Variants in RAB30 observed in about 807,000 individuals in gnomAD.
The protein encoded by RAB30 is RAB30, member RAS oncogene family, also known as ras-related protein Rab-30.
RAB30 carries 9 observed loss-of-function variants against 25.1 expected under a neutral mutation model. That is an observed-to-expected ratio of 0.36 (90% confidence interval 0.22 to 0.63). The LOEUF (loss-of-function observed/expected upper bound fraction) is 0.63. Among genes scored for constraint, RAB30 ranks in the 20% least tolerant of loss-of-function variants. The pLI is 0.69. For missense variants in RAB30, 140 were observed against 243.5 expected, an observed-to-expected ratio of 0.58 and a Z score of 2.83; for synonymous variants, 77 against 86.4, an observed-to-expected ratio of 0.89 and a Z score of 0.60.
intron 4 of RAB30, among the ~76,000 whole-genome samples, chr11:82,984,887 G>A (rs1233795237): frequency 6.6e-6 from 1 of 152,186 alleles, no homozygotes; most frequent in Non-Finnish European, 1.5e-5. Context: ...AAGGACTCAG[G>A]AGCCCATTTG....
chr11:82,989,996 TA>T (rs1245050406), intron 3 of RAB30, among the ~76,000 whole-genome samples: 1 of 152,222 alleles, frequency 6.6e-6, no homozygotes, highest in Admixed American at 6.5e-5. Flanking sequence ...TCACAGTCTA[TA>T]GAAAGGACAC....
At chr11:83,049,604 C>T (rs1858313743) in intron 1 of RAB30, among the ~76,000 whole-genome samples, 1 of 151,690 alleles carries the variant, frequency 6.6e-6, no homozygotes, top group African/African-American at 2.4e-5. Context: ...TTTCAGCCTC[C>T]CAAGTAGCTG....
chr11:83,044,291 CTTCT>C (rs2121516301), intron 1 of RAB30, among the ~76,000 whole-genome samples: 1 of 152,282 alleles, frequency 6.6e-6, no homozygotes, highest in African/African-American at 2.4e-5. Context: ...TAATGAAAGC[CTTCT>C]TTATTTAATT....
chr11:82,997,526 A>C (rs1856984483), intron 1 of RAB30: 80 of 528,404 alleles, frequency 1.5e-4, no homozygotes, highest in East Asian at 3.2e-4. Flanking sequence ...CAGCTACCTC[A>C]TGCCACAGAG....
In RAB30 at chr11:82,975,146, A is replaced by G. The variant is rs1449867768; in HGVS notation, c.*7019T>C. 2.0e-5 allele frequency: 3 copies of G among 152,230 alleles called. No homozygotes were observed. In the East Asian group the frequency reaches 5.8e-4, roughly 29 times the overall value. 9.4% of individuals were successfully genotyped at this position (152,230 alleles called of 1,614,324 possible). A position where few individuals can be genotyped will look rare whatever the true frequency, so the allele number is the denominator to read the frequency against. ...GAAAGCCTAAACCGGCCTTAAAGGG[A>G]TAAGAGGATTTTACATTTTTAAAAA... On this transcript the variant is annotated 3_prime_UTR_variant, in exon 5 of 5. Coordinates refer to ENST00000527633, the MANE Select transcript of RAB30 (RefSeq NM_001286060.2).
intron 1 of RAB30, among the ~76,000 whole-genome samples, chr11:83,044,016 C>T (rs1489736495): frequency 6.6e-6 from 1 of 152,150 alleles, no homozygotes; most frequent in East Asian, 1.9e-4. Context: ...TAACAGCAAG[C>T]AGCCATTAAG....
chr11:83,060,539 T>C (rs73510150), intron 1 of RAB30, among the ~76,000 whole-genome samples: 10,331 of 152,192 alleles, frequency 0.068, 774 homozygotes, highest in African/African-American at 0.18. Flanking sequence ...AGGTGTCACC[T>C]ATGATGCACG....
chr11:83,014,228 G>A (rs1857365035), intron 1 of RAB30, among the ~76,000 whole-genome samples: 1 of 152,170 alleles, frequency 6.6e-6, no homozygotes, highest in Non-Finnish European at 1.5e-5. Flanking sequence ...TCTCTGAAGT[G>A]GGTATATTTA....
rs1448453880 is a variant in RAB30, at chr11:82,975,314, TGTC to T, written c.*6848_*6850del. The T allele has an allele frequency of 6.6e-6, 1 of 152,214 alleles. No homozygotes were observed. The highest frequency in any genetic ancestry group is 1.5e-5 in the Non-Finnish European group (1 of 68,020). The allele number at this position is 152,214 out of a possible 1,614,324, so 9.4% of individuals were successfully genotyped here. On this transcript the variant is annotated 3_prime_UTR_variant, in exon 5 of 5. Coordinates refer to ENST00000527633, the MANE Select transcript of RAB30 (RefSeq NM_001286060.2). ...TTTAGCAGCTGTTTTTCAAAAGACT[TGTC>T]AAGTTTTACTATTGTTATTTAATCC...
chr11:83,002,813 C>G (rs1857113724), intron 1 of RAB30, among the ~76,000 whole-genome samples: 2 of 152,058 alleles, frequency 1.3e-5, no homozygotes, highest in Non-Finnish European at 2.9e-5. Context: ...AATAAGTGGC[C>G]TTAAAAAAGC....
At chr11:83,016,920 C>A (rs1433166790) in intron 1 of RAB30, among the ~76,000 whole-genome samples, 1 of 152,162 alleles carries the variant, frequency 6.6e-6, no homozygotes, top group Non-Finnish European at 1.5e-5. Flanking sequence ...GTCCTACTAG[C>A]TGCAGGACCC....
chr11:83,036,552 T>C (rs1213944097), intron 1 of RAB30, among the ~76,000 whole-genome samples: 2 of 152,214 alleles, frequency 1.3e-5, no homozygotes, highest in African/African-American at 2.4e-5. Context: ...TATTGAGCAC[T>C]TTCTATGAGC....
At chr11:83,049,414 A>T (rs1012846100) in intron 1 of RAB30, among the ~76,000 whole-genome samples, 4 of 147,512 alleles carry the variant, frequency 2.7e-5, no homozygotes, top group African/African-American at 9.8e-5. Flanking sequence ...CATATCAAAA[A>T]AAAAAAAAGG....
chr11:82,998,463 G>A (rs959793782), intron 1 of RAB30, among the ~76,000 whole-genome samples: 7 of 150,640 alleles, frequency 4.6e-5, no homozygotes, highest in Non-Finnish European at 8.8e-5. Context: ...CACAAGAATC[G>A]CTTGAACCTG....
chr11:83,058,887 T>C (rs762109308), intron 1 of RAB30, among the ~76,000 whole-genome samples: 1 of 152,204 alleles, frequency 6.6e-6, no homozygotes, highest in Non-Finnish European at 1.5e-5. Context: ...CTCTCACACT[T>C]GGGATCTTTT....
At chr11:83,032,894 T>A (rs1447650766) in intron 1 of RAB30, among the ~76,000 whole-genome samples, 1 of 152,024 alleles carries the variant, frequency 6.6e-6, no homozygotes, top group Non-Finnish European at 1.5e-5. Flanking sequence ...ATAATCTATC[T>A]ATCAAGAATG....
rs1355346872 is a variant in RAB30, at chr11:82,976,086, T to A, written c.*6079A>T. On this transcript the variant is annotated 3_prime_UTR_variant, in exon 5 of 5. Transcript: ENST00000527633. ...ACCTTGCCTGAAGTTTGTAAAGAAA[T>A]GGAGGGTGACAGTAGTAATGCCCAA... is the stretch of plus-strand genomic sequence containing the variant. 6.6e-6 allele frequency: 1 copy of A among 152,124 alleles called. No homozygotes were observed. Among genetic ancestry groups the A allele is most frequent in the African/African-American group, 2.4e-5 (1 of 41,424 alleles). The allele number at this position is 152,124 out of a possible 1,614,324, so 9.4% of individuals were successfully genotyped here. A position where few individuals can be genotyped will look rare whatever the true frequency, so the allele number is the denominator to read the frequency against.
intron 4 of RAB30, chr11:82,987,320 A>G: frequency 3.7e-6 from 1 of 271,150 alleles, no homozygotes. Context: ...TTAAATTTTT[A>G]GCAGCTCACA....
At chr11:83,028,308 T>A (rs368726638) in intron 1 of RAB30, among the ~76,000 whole-genome samples, 2 of 151,858 alleles carry the variant, frequency 1.3e-5, no homozygotes, top group Non-Finnish European at 2.9e-5. Flanking sequence ...GACAAAGATA[T>A]GGAAACAGCA....
Sources: allele counts gnomAD v4.1 joint callset (sites outside exome capture counted in the v4.1 genomes callset), GRCh38; gene constraint gnomAD v4.1.1; transcripts MANE v1.5; gene names NCBI Gene and HGNC (gene_info 2026-07-23, HGNC 2026-07-21).